Variants in LMOD3 observed in about 807,000 individuals in gnomAD.
LMOD3 encodes leiomodin 3.
Under a neutral mutation model 41.8 loss-of-function variants are expected in LMOD3, and 31 were observed. The ratio of observed to expected loss-of-function variants is 0.74; its 90% CI spans 0.56 to 1.00. LMOD3 has a LOEUF of 1.00. Ranked by LOEUF, LMOD3 falls within the 50% of genes least tolerant of loss-of-function variation. The pLI, the probability that LMOD3 is intolerant of heterozygous loss-of-function variation, is 0.00. For missense variants in LMOD3, 755 were observed against 679.5 expected, an observed-to-expected ratio of 1.11 and a Z score of -1.23; for synonymous variants, 292 against 241.9, an observed-to-expected ratio of 1.21 and a Z score of -1.92.
chr3:69,119,911 T>A lies in LMOD3; in HGVS notation c.444A>T (p.Glu148Asp), dbSNP rs185938792. The A allele has an allele frequency of 1.9e-6, 3 of 1,546,926 alleles. No homozygotes were observed. The highest frequency in any genetic ancestry group is 2.4e-5 in the East Asian group (1 of 41,358). ...CGTCATCATCATCATCTTCTTCTTC[T>A]TCATCTTCTTCATCTGTTTCTTGGA... ...SNIQETDEEDEEEEDDDDDDE... is the reference protein window; with the variant it reads ...SNIQETDEEDDEEEDDDDDDE... The change falls in exon 2 of 3, where the codon GAA becomes GAT. Residue 148 changes from glutamate (E) to aspartate (D), a missense_variant. Glu to Asp is a conservative substitution (Grantham distance 45, BLOSUM62 2). Transcript: ENST00000420581.
intron 2 of LMOD3, among the ~76,000 whole-genome samples, chr3:69,114,652 C>T (rs1205106429): frequency 2.0e-5 from 3 of 151,812 alleles, no homozygotes; most frequent in Non-Finnish European, 4.4e-5. Flanking sequence ...GGATTACAGG[C>T]GAGCACCACC....
chr3:69,110,851 A>ATATAT (rs1229866841), intron 2 of LMOD3, among the ~76,000 whole-genome samples: 3 of 120,810 alleles, frequency 2.5e-5, no homozygotes, highest in African/African-American at 8.0e-5. Flanking sequence ...AAAAAAAAAA[A>ATATAT]AAATATATAT....
At chr3:69,117,627 A>G (rs1373263254) in intron 2 of LMOD3, among the ~76,000 whole-genome samples, 1 of 152,180 alleles carries the variant, frequency 6.6e-6, no homozygotes, top group Non-Finnish European at 1.5e-5. Context: ...GTAATCGTGG[A>G]TCATGGTAAA....
At position 69,120,069 on chromosome 3, in the gene LMOD3, G is replaced by C. The variant is rs771086167; in HGVS notation, c.295-9C>G. ...TCTTCTTGAGTCTTTTCCTACAAGA[G>C]AGGTTTATGAGGGTTAGAATACATA... On this transcript the variant is annotated splice_polypyrimidine_tract_variant and intron_variant, in intron 1 of 2. Transcript: ENST00000420581. 1 of 1,583,478 alleles carries C rather than the reference G, an allele frequency of 6.3e-7. No individual in the cohort carries two copies. The highest frequency in any genetic ancestry group is 8.5e-7 in the Non-Finnish European group (1 of 1,171,630).
In LMOD3 at chr3:69,108,758, C is replaced by G; in HGVS notation, c.*337G>C. On this transcript the variant is annotated 3_prime_UTR_variant, in exon 3 of 3. Coordinates refer to ENST00000420581, the MANE Select transcript of LMOD3 (RefSeq NM_198271.5). ...CACTTCTGTTATATTTATTATTTAC[C>G]AGAAGAAAACAATAATAAAGCAAAT... The G allele has an allele frequency of 4.4e-6, 1 of 225,002 alleles. No homozygotes were observed. Among genetic ancestry groups the G allele is most frequent in the Non-Finnish European group, 8.6e-6 (1 of 115,984 alleles). The allele number at this position is 225,002 out of a possible 1,614,324, so 13.9% of individuals were successfully genotyped here. A position where few individuals can be genotyped will look rare whatever the true frequency, so the allele number is the denominator to read the frequency against.
At chr3:69,114,427 T>C (rs932334809) in intron 2 of LMOD3, among the ~76,000 whole-genome samples, 2 of 151,816 alleles carry the variant, frequency 1.3e-5, no homozygotes, top group East Asian at 4.0e-4. Flanking sequence ...AAAGCAAGTA[T>C]ATGGATTTTC....
Position 69,118,860 on chromosome 3 carries a change from T to TC in LMOD3, c.1494dup (p.Met499AspfsTer53). The TC allele has an allele frequency of 6.2e-7, 1 of 1,610,508 alleles. No homozygotes were observed. The highest frequency in any genetic ancestry group is 8.5e-7 in the Non-Finnish European group (1 of 1,179,150). The stretch of plus-strand genomic sequence containing the variant: ...TCGGGTGGTTCTCTGGCTTCCGGCA[T>TC]CCGAGATTTGCGCTGGATTCTCTTC... On this transcript the variant is annotated frameshift_variant, in exon 2 of 3. Coordinates refer to ENST00000420581, the MANE Select transcript of LMOD3 (RefSeq NM_198271.5). LOFTEE classifies it high-confidence loss of function.
intron 2 of LMOD3, among the ~76,000 whole-genome samples, chr3:69,110,838 C>CAAAAAAAAAAAAAA (rs774402446): frequency 4.5e-5 from 3 of 67,012 alleles, no homozygotes; most frequent in African/African-American, 2.5e-4. Flanking sequence ...GACACCATCT[C>CAAAAAAAAAAAAAA]AAAAAAAAAA....
At chr3:69,115,233 C>G (rs1373126591) in intron 2 of LMOD3, among the ~76,000 whole-genome samples, 2 of 151,996 alleles carry the variant, frequency 1.3e-5, no homozygotes, top group Non-Finnish European at 2.9e-5. Context: ...TGTAATCCCG[C>G]CACTTTGGGA....
At chr3:69,117,980 C>T (rs1336349777) in intron 2 of LMOD3, among the ~76,000 whole-genome samples, 3 of 152,150 alleles carry the variant, frequency 2.0e-5, no homozygotes, top group South Asian at 4.2e-4. Flanking sequence ...TACAGGTGCC[C>T]GCCACCATGC....
At chr3:69,121,088 A>C (rs911470206) in intron 1 of LMOD3, among the ~76,000 whole-genome samples, 2 of 152,180 alleles carry the variant, frequency 1.3e-5, no homozygotes, top group Non-Finnish European at 2.9e-5. Context: ...CCAACCATCA[A>C]GCTGTTCAAG....
intron 1 of LMOD3, 78 bp from the exon 2 acceptor site, chr3:69,120,138 TAAA>T (rs1559662482): frequency 1.4e-6 from 2 of 1,425,728 alleles, no homozygotes; most frequent in Non-Finnish European, 1.8e-6. Flanking sequence ...GTGGAGATAA[TAAA>T]AATGCTTATT....
Position 69,121,960 on chromosome 3 carries a change from T to C in LMOD3, c.294+133A>G, listed in dbSNP as rs1231138818. 4.6e-6 allele frequency: 3 copies of C among 649,650 alleles called. No homozygotes were observed. The East Asian group carries it at 8.2e-5, about 18-fold the overall frequency. 40.2% of individuals were successfully genotyped at this position (649,650 alleles called of 1,614,324 possible). A position where few individuals can be genotyped will look rare whatever the true frequency, so the allele number is the denominator to read the frequency against. Reference sequence around the variant, plus strand: ...CCAGTCGGAGTAGGATTAAATATTATGGTTTAATCTAGATATGGCAAAAAC... The same window carrying C: ...CCAGTCGGAGTAGGATTAAATATTACGGTTTAATCTAGATATGGCAAAAAC... On this transcript the variant is annotated intron_variant, in intron 1 of 2. Coordinates refer to ENST00000420581, the MANE Select transcript of LMOD3 (RefSeq NM_198271.5).
intron 2 of LMOD3, among the ~76,000 whole-genome samples, chr3:69,117,941 C>G (rs927521565): frequency 6.6e-6 from 1 of 151,730 alleles, no homozygotes; most frequent in Non-Finnish European, 1.5e-5. Flanking sequence ...AAGTGACTCT[C>G]CTGCCTCAGC....
intron 2 of LMOD3, among the ~76,000 whole-genome samples, chr3:69,115,518 A>AC (rs60726229): frequency 0.036 from 5,420 of 150,562 alleles, 281 homozygotes; most frequent in East Asian, 0.25. Context: ...ACACACACAC[A>AC]AAACTTTTCT....
intron 2 of LMOD3, among the ~76,000 whole-genome samples, chr3:69,110,853 A>AATATATATATATATAT (rs1302203949): frequency 3.8e-5 from 4 of 104,120 alleles, no homozygotes; most frequent in East Asian, 4.2e-4. Context: ...AAAAAAAAAA[A>AATATATATATATATAT]ATATATATAT....
rs1347720950 is a variant in LMOD3, at chr3:69,118,722, T to C, written c.1633A>G (p.Ser545Gly). 6.2e-7 allele frequency: 1 copy of C among 1,612,972 alleles called. No homozygotes were observed. The highest frequency in any genetic ancestry group is 8.5e-7 in the Non-Finnish European group (1 of 1,179,686). The change falls in exon 2 of 3, where the codon AGC becomes GGC. Residue 545 changes from serine to glycine, a missense_variant. Ser to Gly is a moderately conservative substitution (Grantham distance 56, BLOSUM62 0). Transcript: ENST00000420581. The part of the protein sequence containing the change: ...RDQLLNDIRH[S>G]SVAYLKPVQL... ...ACAGGTTTAAGATAGGCGACACTGC[T>C]GTGACGAATGTCGTTTAGCAGCTGA...
intron 2 of LMOD3, among the ~76,000 whole-genome samples, chr3:69,117,401 A>C (rs1559660528): frequency 6.6e-6 from 1 of 152,244 alleles, no homozygotes; most frequent in Non-Finnish European, 1.5e-5. Context: ...GTTTTGAAAA[A>C]ACATGAATCT....
intron 2 of LMOD3, among the ~76,000 whole-genome samples, chr3:69,112,486 A>T (rs966811247): frequency 1.3e-5 from 2 of 152,188 alleles, no homozygotes; most frequent in Admixed American, 1.3e-4. Context: ...GCTATAAAAG[A>T]GGTGTGGACA....
Sources: allele counts gnomAD v4.1 joint callset (sites outside exome capture counted in the v4.1 genomes callset), GRCh38; gene constraint gnomAD v4.1.1; transcripts MANE v1.5; gene names NCBI Gene and HGNC (gene_info 2026-07-23, HGNC 2026-07-21).